The following AIG1 variants were observed in gnomAD, a reference collection of about 807,000 sequenced individuals.
AIG1 encodes androgen induced 1, also known as androgen-induced gene 1 protein.
Under a neutral mutation model 31.4 loss-of-function variants are expected in AIG1, and 23 were observed. The ratio of observed to expected loss-of-function variants is 0.73; its 90% CI spans 0.53 to 1.04. The LOEUF is 1.04. Among genes scored for constraint, AIG1 ranks in the 50% least tolerant of loss-of-function variants. The probability of loss-of-function intolerance (pLI) is 0.00; values close to 1 mark genes in which losing one functional copy is unlikely to be tolerated. For missense variants in AIG1, 274 were observed against 295.0 expected, an observed-to-expected ratio of 0.93 and a Z score of 0.52; for synonymous variants, 100 against 110.5, an observed-to-expected ratio of 0.90 and a Z score of 0.60.
chr6:143,335,038 A>G lies in AIG1; in HGVS notation c.679+1593A>G. The G allele has an allele frequency of 4.3e-6, 6 of 1,392,936 alleles. No homozygotes were observed. In the South Asian group the frequency reaches 1.1e-4, roughly 25 times the overall value. 86.3% of individuals were successfully genotyped at this position (1,392,936 alleles called of 1,614,324 possible). On this transcript the variant is annotated intron_variant, in intron 5 of 5. Transcript: ENST00000357847. ...CATAAGATTGACTAACTTTTTTTAAAAATTCATTTTAGATATGAAAATTAA... is the reference window on the plus strand; with the variant it reads ...CATAAGATTGACTAACTTTTTTTAAGAATTCATTTTAGATATGAAAATTAA...
At chr6:143,184,605 C>G (rs1291298300) in intron 3 of AIG1, among the ~76,000 whole-genome samples, 1 of 152,190 alleles carries the variant, frequency 6.6e-6, no homozygotes, top group Non-Finnish European at 1.5e-5. Context: ...AAATAGGTCC[C>G]GGATCGGCCC....
chr6:143,175,564 C>A (rs1201730526), intron 3 of AIG1, among the ~76,000 whole-genome samples: 1 of 152,144 alleles, frequency 6.6e-6, no homozygotes, highest in African/African-American at 2.4e-5. Context: ...TCTTTGAGCT[C>A]TGAAGTTGTT....
At chr6:143,078,268 T>G in intron 1 of AIG1, among the ~76,000 whole-genome samples, 1 of 152,234 alleles carries the variant, frequency 6.6e-6, no homozygotes, top group East Asian at 1.9e-4. Context: ...TTTCATTCAT[T>G]TTAACAGTGT....
In AIG1 at chr6:143,276,001, A is replaced by C. The variant is rs917504652; in HGVS notation, c.400-8109A>C. 2.8e-4 allele frequency among the ~76,000 whole-genome samples: 42 copies of C among 152,344 alleles called. 1 individual carries two copies. The highest frequency in any genetic ancestry group is 2.7e-3 in the Admixed American group (41 of 15,300). On this transcript the variant is annotated intron_variant, in intron 3 of 5. Coordinates refer to ENST00000357847, the MANE Select transcript of AIG1 (RefSeq NM_016108.4). ...CACAGGCTGCTGAGCTGAAAAGGAAAGAGAAAATACACACCGCACTGCAGC... is the reference window on the plus strand; with the variant it reads ...CACAGGCTGCTGAGCTGAAAAGGAACGAGAAAATACACACCGCACTGCAGC...
At chr6:143,126,582 A>G (rs1782705002) in intron 1 of AIG1, among the ~76,000 whole-genome samples, 1 of 152,202 alleles carries the variant, frequency 6.6e-6, no homozygotes, top group Non-Finnish European at 1.5e-5. Context: ...TATGGCTCTT[A>G]TATCCTTTCC....
intron 1 of AIG1, among the ~76,000 whole-genome samples, chr6:143,113,602 C>CAA (rs200708219): frequency 1.9e-5 from 2 of 106,866 alleles, no homozygotes; most frequent in Admixed American, 1.0e-4. Context: ...GACTCCATCT[C>CAA]AAAAAAAAAA....
chr6:143,087,015 T>C (rs774342792), intron 1 of AIG1, among the ~76,000 whole-genome samples: 3 of 151,790 alleles, frequency 2.0e-5, no homozygotes, highest in Non-Finnish European at 4.4e-5. Context: ...GGGTTGGGGG[T>C]TGTTAGAAAG....
intron 1 of AIG1, among the ~76,000 whole-genome samples, chr6:143,086,134 G>C (rs1196224801): frequency 6.6e-6 from 1 of 152,118 alleles, no homozygotes; most frequent in Non-Finnish European, 1.5e-5. Context: ...GAATGCATTT[G>C]GGCCATCCAT....
chr6:143,118,060 G>T (rs1781890399), intron 1 of AIG1, among the ~76,000 whole-genome samples: 1 of 152,178 alleles, frequency 6.6e-6, no homozygotes, highest in Admixed American at 6.5e-5. Flanking sequence ...CTCGGCTTCT[G>T]ATTTTGTTAC....
At chr6:143,301,413 G>A (rs1798815965) in intron 4 of AIG1, among the ~76,000 whole-genome samples, 1 of 152,178 alleles carries the variant, frequency 6.6e-6, no homozygotes. Flanking sequence ...CACAGACTGG[G>A]TGCAAGCCCC....
At chr6:143,233,207 G>T (rs1392972485) in intron 3 of AIG1, among the ~76,000 whole-genome samples, 1 of 152,122 alleles carries the variant, frequency 6.6e-6, no homozygotes, top group Admixed American at 6.5e-5. Context: ...CCATCACCTT[G>T]GGGGCACGGA....
intron 1 of AIG1, among the ~76,000 whole-genome samples, chr6:143,087,141 A>T (rs750931274): frequency 6.6e-6 from 1 of 152,230 alleles, no homozygotes; most frequent in Non-Finnish European, 1.5e-5. Context: ...GATAGGACAG[A>T]ATAGCAAGTG....
chr6:143,311,109 C>T (rs1323041273), intron 4 of AIG1, among the ~76,000 whole-genome samples: 3 of 151,818 alleles, frequency 2.0e-5, no homozygotes, highest in Admixed American at 2.0e-4. Context: ...GCCAGCATTG[C>T]CTTAATACCA....
At chr6:143,101,473 T>C (rs940366007) in intron 1 of AIG1, among the ~76,000 whole-genome samples, 1 of 151,896 alleles carries the variant, frequency 6.6e-6, no homozygotes, top group Non-Finnish European at 1.5e-5. Flanking sequence ...GGATTAAGGG[T>C]CTAGATTCCT....
chr6:143,339,619 C>A lies in AIG1; in HGVS notation c.680-20C>A, dbSNP rs1196191741. On this transcript the variant is annotated intron_variant, in intron 5 of 5. Transcript: ENST00000357847. Reference sequence around the variant, plus strand: ...GGTTTAATCTGATGCTCAAATAAAACACTTTGCCTGTATTTCTAGGTATGG... The same window carrying A: ...GGTTTAATCTGATGCTCAAATAAAAAACTTTGCCTGTATTTCTAGGTATGG... 5 of 1,611,604 alleles carry A rather than the reference C, an allele frequency of 3.1e-6. No homozygotes were observed. The highest frequency in any genetic ancestry group is 4.2e-6 in the Non-Finnish European group (5 of 1,178,718).
At chr6:143,194,934 C>A (rs145738903) in intron 3 of AIG1, among the ~76,000 whole-genome samples, 115 of 152,284 alleles carry the variant, frequency 7.6e-4, no homozygotes, top group African/African-American at 2.5e-3. Context: ...GGGGGAGTCC[C>A]TAGAAAGTGG....
rs548515610 is a variant in AIG1 at position 143,138,758 on chromosome 6, TG to T, written c.297+1770del. 3.1e-3 allele frequency among the ~76,000 whole-genome samples: 464 copies of T among 151,986 alleles called. 5 individuals are homozygous for T. Among genetic ancestry groups the T allele is most frequent in the African/African-American group, 0.011 (445 of 41,444 alleles). ...AATACAAAAAATGAGCCGGGCGTGGTGGTGGGCTCCTTTAGTCCCAGCTACT... is the reference window on the plus strand; with the variant it reads ...AATACAAAAAATGAGCCGGGCGTGGTGTGGGCTCCTTTAGTCCCAGCTACT... On this transcript the variant is annotated intron_variant, in intron 2 of 5. Transcript: ENST00000357847.
chr6:143,136,946 C>G lies in AIG1; in HGVS notation c.253C>G (p.Leu85Val). The change falls in exon 2 of 6, where the codon CTC becomes GTC. Residue 85 changes from leucine to valine, a missense_variant. By Grantham distance (32) the Leu-to-Val change is conservative. This residue lies in a region of AIG1 where 243 missense variants were observed against 238.5 expected (regional missense o/e 1.02). Transcript: ENST00000357847. ...GAGGCAGCTCAAGAAGCTCATCTCT[C>G]TCCGGGACTGGATGTTAGCTGTGTT... ...QERQLKKLIS[L>V]RDWMLAVLAF... is the part of the protein sequence containing the mutation. 6.6e-7 allele frequency: 1 copy of G among 1,518,198 alleles called. No homozygotes were observed. The highest frequency in any genetic ancestry group is 8.9e-7 in the Non-Finnish European group (1 of 1,119,616). 94.0% of individuals were successfully genotyped at this position (1,518,198 alleles called of 1,614,324 possible). A position where few individuals can be genotyped will look rare whatever the true frequency, so the allele number is the denominator to read the frequency against.
At chr6:143,225,530 T>C (rs1213991922) in intron 3 of AIG1, among the ~76,000 whole-genome samples, 2 of 152,222 alleles carry the variant, frequency 1.3e-5, no homozygotes, top group East Asian at 3.8e-4. Flanking sequence ...TTTGCTTCGT[T>C]TAAGAACTAG....
Sources: allele counts gnomAD v4.1 joint callset (sites outside exome capture counted in the v4.1 genomes callset), GRCh38; gene constraint gnomAD v4.1.1; regional missense constraint gnomAD v4.1.1; transcripts MANE v1.5; gene names NCBI Gene and HGNC (gene_info 2026-07-23, HGNC 2026-07-21).